Variants in TMEM132D observed in about 807,000 individuals in gnomAD.
The protein encoded by TMEM132D is transmembrane protein 132D, also known as mature OL transmembrane protein.
A neutral mutation model predicts 62.3 loss-of-function variants in TMEM132D; 21 were observed. The ratio of observed to expected loss-of-function variants is 0.34; its 90% confidence interval spans 0.24 to 0.49. The LOEUF (loss-of-function observed/expected upper bound fraction) is 0.49, where lower values mean the gene tolerates loss of function less well. TMEM132D is among the 20% of genes least tolerant of loss of function. The probability of loss-of-function intolerance (pLI) is 0.99; values close to 1 mark genes in which losing one functional copy is unlikely to be tolerated. For synonymous variants in TMEM132D, 621 were observed against 575.6 expected (o/e 1.08, Z -1.13); for missense variants, 1,346 against 1,402.8 (o/e 0.96, Z 0.65).
At position 129,825,271 on chromosome 12, in the gene TMEM132D, G is replaced by GC. The variant is rs1211297631; in HGVS notation, c.79+77989dup. 2.0e-5 allele frequency among the ~76,000 whole-genome samples: 3 copies of GC among 151,422 alleles called. No homozygotes were observed. The East Asian group carries it at 5.8e-4, about 29-fold the overall frequency. ...GACCTCAGGTCATCTGCCCGCCTTG[G>GC]CCCCCCCAAACTGCTGGGATTACAG... On this transcript the variant is annotated intron_variant, in intron 1 of 8. Coordinates refer to ENST00000422113, the MANE Select transcript of TMEM132D (RefSeq NM_133448.3).
chr12:129,631,842 C>A (rs1350050452), intron 2 of TMEM132D, among the ~76,000 whole-genome samples: 3 of 152,160 alleles, frequency 2.0e-5, no homozygotes, highest in Non-Finnish European at 4.4e-5. Context: ...ATCCCCCCAC[C>A]ACACCCTGGT....
At chr12:129,373,101 C>T (rs189413017) in intron 3 of TMEM132D, among the ~76,000 whole-genome samples, 1 of 152,274 alleles carries the variant, frequency 6.6e-6, no homozygotes, top group African/African-American at 2.4e-5. Flanking sequence ...CTTAGAAAGT[C>T]AGGTGCCAAG....
intron 3 of TMEM132D, among the ~76,000 whole-genome samples, chr12:129,458,141 G>A (rs979355720): frequency 6.6e-6 from 1 of 152,036 alleles, no homozygotes; most frequent in Non-Finnish European, 1.5e-5. Flanking sequence ...TCCCCTCTTG[G>A]GTCTTACATG....
intron 3 of TMEM132D, among the ~76,000 whole-genome samples, chr12:129,513,624 A>G (rs536243721): frequency 6.7e-6 from 1 of 150,054 alleles, no homozygotes; most frequent in East Asian, 2.0e-4. Flanking sequence ...AGCTGGGACT[A>G]CAGGCACCCA....
chr12:129,184,139 G>C (rs1003764344), intron 5 of TMEM132D, among the ~76,000 whole-genome samples: 1 of 152,048 alleles, frequency 6.6e-6, no homozygotes, highest in Non-Finnish European at 1.5e-5. Flanking sequence ...TCTCACCCCT[G>C]TCACCACCAA....
intron 5 of TMEM132D, among the ~76,000 whole-genome samples, chr12:129,088,257 T>G (rs71446268): frequency 7.4e-5 from 1 of 13,434 alleles, no homozygotes. Context: ...CCTCTATGAC[T>G]GGGTGTCCTC....
At chr12:129,197,436 A>T (rs1326784687) in intron 5 of TMEM132D, among the ~76,000 whole-genome samples, 1 of 152,324 alleles carries the variant, frequency 6.6e-6, no homozygotes, top group African/African-American at 2.4e-5. Flanking sequence ...AAAAATGAGG[A>T]TAAAAATAAT....
chr12:129,667,921 T>C (rs1880414656), intron 2 of TMEM132D, among the ~76,000 whole-genome samples: 1 of 151,544 alleles, frequency 6.6e-6, no homozygotes, highest in South Asian at 2.1e-4. Context: ...ACCACAGAGG[T>C]AACAAATTTC....
intron 3 of TMEM132D, among the ~76,000 whole-genome samples, chr12:129,482,945 CTGTGTGTGTGTGTGTGTGTG>C (rs59346043): frequency 1.5e-4 from 22 of 144,288 alleles, no homozygotes; most frequent in Admixed American, 4.9e-4. Flanking sequence ...CATATTTAAT[CTGTGTGTGTGTGTGTGTGTG>C]TGTGTGTGTG....
chr12:129,280,967 T>C (rs968225441), intron 4 of TMEM132D, among the ~76,000 whole-genome samples: 2 of 152,136 alleles, frequency 1.3e-5, no homozygotes, highest in African/African-American at 4.8e-5. Context: ...TTCGCCACAA[T>C]ATTTTGAAAT....
At chr12:129,362,446 C>G (rs1326248046) in intron 3 of TMEM132D, among the ~76,000 whole-genome samples, 1 of 106,658 alleles carries the variant, frequency 9.4e-6, no homozygotes, top group Non-Finnish European at 1.7e-5. Context: ...AAAGTGTTTT[C>G]CACACGTGAG....
At chr12:129,547,860 G>T (rs1379999746) in intron 2 of TMEM132D, among the ~76,000 whole-genome samples, 1 of 152,206 alleles carries the variant, frequency 6.6e-6, no homozygotes, top group African/African-American at 2.4e-5. Context: ...GCACAGAGAG[G>T]TTGAGTAGCT....
At chr12:129,648,438 C>T (rs1041463581) in intron 2 of TMEM132D, among the ~76,000 whole-genome samples, 4 of 152,248 alleles carry the variant, frequency 2.6e-5, no homozygotes, top group South Asian at 2.1e-4. Flanking sequence ...AATAAAACTC[C>T]GGTATCCTGT....
intron 4 of TMEM132D, among the ~76,000 whole-genome samples, chr12:129,211,767 A>G (rs1442612140): frequency 1.3e-5 from 2 of 152,210 alleles, no homozygotes; most frequent in Admixed American, 6.5e-5. Context: ...AAGTCCCATT[A>G]TCCATACACT....
intron 1 of TMEM132D, among the ~76,000 whole-genome samples, chr12:129,836,515 TGC>T (rs199615371): frequency 8.6e-5 from 13 of 151,044 alleles, no homozygotes; most frequent in African/African-American, 1.9e-4. Flanking sequence ...TGTGTGTGTG[TGC>T]GCGCGTGTGT....
chr12:129,874,271 C>T (rs967555529), intron 1 of TMEM132D, among the ~76,000 whole-genome samples: 2 of 152,090 alleles, frequency 1.3e-5, no homozygotes, highest in Non-Finnish European at 2.9e-5. Context: ...ACCATAAATA[C>T]ATACAATTTT....
chr12:129,446,412 C>G (rs1043406231), intron 3 of TMEM132D, among the ~76,000 whole-genome samples: 1 of 152,110 alleles, frequency 6.6e-6, no homozygotes, highest in Admixed American at 6.5e-5. Context: ...AACACTCTGG[C>G]GTATTCATTC....
chr12:129,711,583 C>T (rs1240851421), intron 1 of TMEM132D, among the ~76,000 whole-genome samples: 3 of 151,786 alleles, frequency 2.0e-5, no homozygotes, highest in African/African-American at 4.8e-5. Context: ...AAAAATTAGC[C>T]GGGCATGGTG....
chr12:129,129,646 C>A (rs143655073), intron 5 of TMEM132D, among the ~76,000 whole-genome samples: 79 of 152,300 alleles, frequency 5.2e-4, no homozygotes, highest in African/African-American at 1.6e-3. Flanking sequence ...GCCTCGCCAG[C>A]TCTGTTGTTT....
Sources: allele counts gnomAD v4.1 joint callset (sites outside exome capture counted in the v4.1 genomes callset), GRCh38; gene constraint gnomAD v4.1.1; transcripts MANE v1.5; gene names NCBI Gene and HGNC (gene_info 2026-07-23, HGNC 2026-07-21).